Variants in DPY19L4 observed in about 807,000 individuals in gnomAD.
The protein encoded by DPY19L4 is dpy-19 like 4.
DPY19L4 carries 97 observed loss-of-function variants against 102.8 expected under a neutral mutation model. The ratio of observed to expected loss-of-function variants is 0.94; its 90% CI spans 0.80 to 1.12. The LOEUF (loss-of-function observed/expected upper bound fraction) is 1.12, where lower values mean the gene tolerates loss of function less well. DPY19L4 is among the 50% of genes most tolerant of loss of function. DPY19L4 has a pLI of 0.00. For synonymous variants in DPY19L4, 252 were observed against 283.1 expected, an observed-to-expected ratio of 0.89 and a Z score of 1.10; for missense variants, 815 against 850.4, an observed-to-expected ratio of 0.96 and a Z score of 0.52.
chr8:94,750,814 ACT>A lies in DPY19L4; in HGVS notation c.612-5219_612-5218del, dbSNP rs368631130. 6.6e-4 allele frequency among the ~76,000 whole-genome samples: 98 copies of A among 148,760 alleles called. 1 individual carries two copies. The highest frequency in any genetic ancestry group is 2.3e-3 in the African/African-American group (93 of 40,202). On this transcript the variant is annotated intron_variant, in intron 6 of 18. Transcript: ENST00000414645. The stretch of plus-strand genomic sequence containing the variant: ...TTTTTTTTTTTTGAGACAGGATCTC[ACT>A]CTGTCACCCAGGCTGGAGTGCAGTG...
At chr8:94,788,926 T>C (rs1430467116) in intron 18 of DPY19L4, among the ~76,000 whole-genome samples, 1 of 152,256 alleles carries the variant, frequency 6.6e-6, no homozygotes, top group Non-Finnish European at 1.5e-5. Context: ...CTACTTATCT[T>C]TTCCTCATGA....
chr8:94,735,902 TA>T (rs148684960), intron 3 of DPY19L4, among the ~76,000 whole-genome samples: 1,806 of 152,244 alleles, frequency 0.012, 31 homozygotes, highest in African/African-American at 0.041. Context: ...TTTGCATTCA[TA>T]AAAAAAATTT....
In DPY19L4 at chr8:94,792,290, G is replaced by GGA. The variant is rs1201943396; in HGVS notation, c.*2381_*2382insAG. On this transcript the variant is annotated 3_prime_UTR_variant, in exon 19 of 19. Coordinates refer to ENST00000414645, the MANE Select transcript of DPY19L4 (RefSeq NM_181787.3). ...CTTGTCTCCCAGGCTGGAGTGCAAT[G>GGA]GCGCGATCTTGGCTCACTGCAACCT... The GGA allele has an allele frequency of 6.6e-6, 1 of 152,016 alleles. No individual in the cohort carries two copies. Among genetic ancestry groups the GGA allele is most frequent in the African/African-American group, 2.4e-5 (1 of 41,354 alleles). 9.4% of individuals were successfully genotyped at this position (152,016 alleles called of 1,614,324 possible).
intron 17 of DPY19L4, among the ~76,000 whole-genome samples, chr8:94,784,867 C>T (rs991665242): frequency 2.6e-5 from 4 of 152,174 alleles, no homozygotes; most frequent in African/African-American, 7.2e-5. Context: ...CTCAGTATAA[C>T]ATTAGAATGG....
At chr8:94,766,555 A>G (rs1284529608) in intron 10 of DPY19L4, 57 bp from the exon 11 acceptor site, 1 of 1,516,544 alleles carries the variant, frequency 6.6e-7, no homozygotes, top group Non-Finnish European at 9.1e-7. Flanking sequence ...TGGGGAAAGC[A>G]TATGTTTGTA....
At position 94,777,804 on chromosome 8, in the gene DPY19L4, A is replaced by G. The variant is rs371273053; in HGVS notation, c.1575+18A>G. On this transcript the variant is annotated intron_variant, in intron 14 of 18. Coordinates refer to ENST00000414645, the MANE Select transcript of DPY19L4 (RefSeq NM_181787.3). ...TATTGTTGGTGAGTCATTATTTTGC[A>G]TTGTTTCTCTTCTAATTATATAAAA... The G allele has an allele frequency of 3.3e-5, 52 of 1,597,858 alleles. No homozygotes were observed. Among genetic ancestry groups the G allele is most frequent in the Non-Finnish European group, 4.1e-5 (48 of 1,171,188 alleles).
intron 8 of DPY19L4, 136 bp downstream of exon 8, chr8:94,761,970 A>T (rs919529305): frequency 1.1e-6 from 1 of 902,152 alleles, no homozygotes; most frequent in Non-Finnish European, 1.5e-6. Context: ...TTATTTGGAC[A>T]GAGAGAAGTT....
intron 16 of DPY19L4, among the ~76,000 whole-genome samples, chr8:94,782,954 C>T (rs1813496598): frequency 1.3e-5 from 2 of 152,140 alleles, no homozygotes; most frequent in African/African-American, 4.8e-5. Context: ...GGTACAATTA[C>T]TGTGTTTTGT....
rs746588776 is a variant in DPY19L4 at position 94,756,163 on chromosome 8, A to G, written c.735+4A>G. The G allele has an allele frequency of 2.5e-6, 4 of 1,611,498 alleles. No individual in the cohort carries two copies. The South Asian group carries it at 4.4e-5, about 18-fold the overall frequency. On this transcript the variant is annotated splice_donor_region_variant and intron_variant, in intron 7 of 18. Coordinates refer to ENST00000414645, the MANE Select transcript of DPY19L4 (RefSeq NM_181787.3). ...CAACTTAAATACTTATGGAGAGGTA[A>G]GATACAAATCTGTTTTATCTGTTGC...
chr8:94,780,906 G>T (rs1813396748), intron 15 of DPY19L4, among the ~76,000 whole-genome samples, 178 bp from the exon 16 acceptor site: 1 of 152,050 alleles, frequency 6.6e-6, no homozygotes, highest in South Asian at 2.1e-4. Context: ...AAATAAGCAG[G>T]CCATTGAAGG....
At chr8:94,782,346 C>T (rs1253069078) in intron 16 of DPY19L4, among the ~76,000 whole-genome samples, 1 of 152,058 alleles carries the variant, frequency 6.6e-6, no homozygotes, top group Non-Finnish European at 1.5e-5. Flanking sequence ...GTAGAATTCC[C>T]AAGAGCAGCA....
chr8:94,761,921 T>G, intron 8 of DPY19L4, 87 bp downstream of exon 8: 1 of 1,379,188 alleles, frequency 7.3e-7, no homozygotes, highest in Non-Finnish European at 9.6e-7. Flanking sequence ...TCTTCATCCA[T>G]ACACTCATAT....
chr8:94,769,903 T>G (rs1238415584), intron 12 of DPY19L4, among the ~76,000 whole-genome samples: 1 of 150,414 alleles, frequency 6.6e-6, no homozygotes, highest in East Asian at 1.9e-4. Flanking sequence ...TTTTTTTTTT[T>G]TTGAGACAGA....
intron 17 of DPY19L4, among the ~76,000 whole-genome samples, chr8:94,787,293 C>G (rs1363051787): frequency 1.3e-5 from 2 of 151,898 alleles, no homozygotes; most frequent in East Asian, 3.9e-4. Context: ...AGAACCATTC[C>G]CACTGAAACG....
At chr8:94,774,426 T>G (rs1380413455) in intron 13 of DPY19L4, among the ~76,000 whole-genome samples, 1 of 152,188 alleles carries the variant, frequency 6.6e-6, no homozygotes, top group Admixed American at 6.5e-5. Context: ...AAGTATACAA[T>G]TCAGCAGTGT....
intron 6 of DPY19L4, among the ~76,000 whole-genome samples, chr8:94,741,486 C>T (rs969715903): frequency 3.3e-5 from 5 of 152,172 alleles, no homozygotes; most frequent in Non-Finnish European, 7.3e-5. Context: ...ACCTTCAAGT[C>T]ACTATTAGAA....
At chr8:94,726,464 T>C (rs777571577) in intron 2 of DPY19L4, 23 bp downstream of exon 2, 2 of 1,554,282 alleles carry the variant, frequency 1.3e-6, no homozygotes, top group Non-Finnish European at 8.7e-7. Context: ...GACTTGGAAT[T>C]TGTGCTACTA....
intron 6 of DPY19L4, among the ~76,000 whole-genome samples, chr8:94,746,910 A>G (rs1351611175): frequency 6.6e-6 from 1 of 151,952 alleles, no homozygotes; most frequent in African/African-American, 2.4e-5. Context: ...TCTTTCTTGG[A>G]GACAAGGTTA....
At chr8:94,761,936 A>G (rs944885788) in intron 8 of DPY19L4, 102 bp downstream of exon 8, 1 of 1,155,082 alleles carries the variant, frequency 8.7e-7, no homozygotes, top group Admixed American at 3.0e-5. Flanking sequence ...TCATATGGGA[A>G]CCCCGATGCA....
Sources: allele counts gnomAD v4.1 joint callset (sites outside exome capture counted in the v4.1 genomes callset), GRCh38; gene constraint gnomAD v4.1.1; transcripts MANE v1.5; gene names NCBI Gene and HGNC (gene_info 2026-07-23, HGNC 2026-07-21).